The following NRG1 variants were observed in gnomAD, a reference collection of about 807,000 sequenced individuals.
NRG1 encodes the protein pro-neuregulin-1, membrane-bound isoform.
NRG1 carries 18 observed loss-of-function variants against 63.8 expected under a neutral mutation model. That is an observed-to-expected ratio of 0.28 (90% CI 0.19 to 0.42). The LOEUF is 0.42. Ranked by LOEUF, NRG1 falls within the 10% of genes least tolerant of loss-of-function variation. NRG1 has a pLI of 1.00. For synonymous variants in NRG1, 302 were observed against 301.3 expected, an observed-to-expected ratio of 1.00 and a Z score of -0.02; for missense variants, 762 against 814.7, an observed-to-expected ratio of 0.94 and a Z score of 0.79.
At chr8:32,427,323 A>G (rs1817510301) in intron 1 of NRG1, among the ~76,000 whole-genome samples, 1 of 152,144 alleles carries the variant, frequency 6.6e-6, no homozygotes, top group African/African-American at 2.4e-5. Flanking sequence ...ATGGCATTAA[A>G]CGTGGTAGAT....
intron 1 of NRG1, among the ~76,000 whole-genome samples, chr8:32,568,435 A>C (rs1837881405): frequency 6.6e-6 from 1 of 152,090 alleles, no homozygotes; most frequent in African/African-American, 2.4e-5. Context: ...ATTCTTAAAA[A>C]CTCAAGTATT....
intron 1 of NRG1, among the ~76,000 whole-genome samples, chr8:32,497,973 A>C (rs1202351711): frequency 6.6e-6 from 1 of 152,062 alleles, no homozygotes; most frequent in African/African-American, 2.4e-5. Context: ...ACAGACATGC[A>C]TGACCATGCC....
intron 5 of NRG1, among the ~76,000 whole-genome samples, chr8:32,642,658 T>A (rs1008571451): frequency 9.8e-5 from 15 of 152,340 alleles, no homozygotes; most frequent in Middle Eastern, 6.8e-3. Flanking sequence ...TATGTAGGGA[T>A]CTCTCCAAAT....
chr8:31,852,243 T>G (rs1827314971), intron 1 of NRG1, among the ~76,000 whole-genome samples: 1 of 152,080 alleles, frequency 6.6e-6, no homozygotes, highest in Non-Finnish European at 1.5e-5. Flanking sequence ...AAATTGTTCC[T>G]ATTTCTCCAC....
intron 1 of NRG1, among the ~76,000 whole-genome samples, chr8:32,405,575 T>C (rs1056880572): frequency 2.0e-5 from 3 of 152,172 alleles, no homozygotes; most frequent in African/African-American, 7.2e-5. Context: ...TTTTTTTCTC[T>C]CCAAACAACT....
At chr8:32,744,689 A>G (rs1245689042) in intron 7 of NRG1, among the ~76,000 whole-genome samples, 2 of 152,102 alleles carry the variant, frequency 1.3e-5, no homozygotes, top group Admixed American at 6.6e-5. Context: ...TTTGGTGTTA[A>G]GAGTTTTACT....
intron 1 of NRG1, among the ~76,000 whole-genome samples, chr8:32,178,617 TAGAA>T (rs1168087794): frequency 1.3e-5 from 2 of 151,928 alleles, no homozygotes; most frequent in African/African-American, 2.4e-5. Context: ...CTCAAAAAAA[TAGAA>T]AGATCATTCT....
chr8:32,112,818 A>G (rs1452144215), intron 1 of NRG1, among the ~76,000 whole-genome samples: 1 of 152,110 alleles, frequency 6.6e-6, no homozygotes, highest in Non-Finnish European at 1.5e-5. Context: ...GGACCCATGG[A>G]CTTTGGCCTC....
At chr8:32,006,612 T>A (rs529312512) in intron 1 of NRG1, among the ~76,000 whole-genome samples, 2 of 152,144 alleles carry the variant, frequency 1.3e-5, no homozygotes, top group African/African-American at 4.8e-5. Context: ...CTGTTGCTGG[T>A]TTGAATACAG....
intron 1 of NRG1, among the ~76,000 whole-genome samples, chr8:32,303,590 G>A (rs1235059871): frequency 6.6e-6 from 1 of 152,206 alleles, no homozygotes; most frequent in Non-Finnish European, 1.5e-5. Flanking sequence ...ACAGAAAGTG[G>A]TGCCAGTTTT....
intron 5 of NRG1, among the ~76,000 whole-genome samples, chr8:32,673,760 C>T (rs1345210167): frequency 6.6e-6 from 1 of 152,110 alleles, no homozygotes; most frequent in Non-Finnish European, 1.5e-5. Context: ...TTCTAAAGAC[C>T]CATGAATTGT....
At chr8:32,726,188 T>A (rs1309660645) in intron 5 of NRG1, among the ~76,000 whole-genome samples, 1 of 152,100 alleles carries the variant, frequency 6.6e-6, no homozygotes, top group Admixed American at 6.6e-5. Flanking sequence ...AGTTCTCCTT[T>A]AAAAAAATAA....
chr8:31,907,618 A>C (rs1182704654), intron 1 of NRG1, among the ~76,000 whole-genome samples: 1 of 152,106 alleles, frequency 6.6e-6, no homozygotes, highest in Admixed American at 6.6e-5. Context: ...GTTAATAGTG[A>C]ATAGGTTTTG....
chr8:32,026,374 T>C (rs1368473750), intron 1 of NRG1: 2 of 152,166 alleles, frequency 1.3e-5, no homozygotes, highest in Non-Finnish European at 2.9e-5. Context: ...GGTAAAGTAG[T>C]TTTTTGCTTA....
chr8:31,795,548 CT>C (rs1298498649), intron 1 of NRG1, among the ~76,000 whole-genome samples: 65 of 152,164 alleles, frequency 4.3e-4, no homozygotes, highest in African/African-American at 1.5e-3. Flanking sequence ...CAAAACAAAC[CT>C]TCAAACATTT....
At chr8:32,501,234 C>T (rs1237618043) in intron 1 of NRG1, among the ~76,000 whole-genome samples, 1 of 152,166 alleles carries the variant, frequency 6.6e-6, no homozygotes, top group Non-Finnish European at 1.5e-5. Context: ...GGTTGTTTCT[C>T]TGACATACAG....
intron 1 of NRG1, among the ~76,000 whole-genome samples, chr8:32,266,651 G>A (rs1850969559): frequency 6.6e-6 from 1 of 152,080 alleles, no homozygotes; most frequent in Non-Finnish European, 1.5e-5. Context: ...GAATCTTATT[G>A]TTAAAAATAC....
At chr8:31,937,918 G>A (rs1349003068) in intron 1 of NRG1, among the ~76,000 whole-genome samples, 2 of 152,120 alleles carry the variant, frequency 1.3e-5, no homozygotes, top group Non-Finnish European at 2.9e-5. Context: ...TCCACCTGGT[G>A]GTCTTTCTCT....
chr8:32,323,576 G>T (rs943575306), intron 1 of NRG1, among the ~76,000 whole-genome samples: 6 of 152,238 alleles, frequency 3.9e-5, no homozygotes, highest in African/African-American at 1.4e-4. Context: ...GGAGAATTGT[G>T]AGCTCTAAAT....
Sources: gnomAD v4.1 joint callset for allele counts (sites outside exome capture counted in the v4.1 genomes callset) on GRCh38, gnomAD v4.1.1 for gene constraint, MANE v1.5 for transcripts, NCBI Gene and HGNC (gene_info 2026-07-23, HGNC 2026-07-21) for gene names.